The following USF3 variants were observed in gnomAD, a reference collection of about 807,000 sequenced individuals.
The protein encoded by USF3 is upstream transcription factor family member 3, also known as basic helix-loop-helix domain-containing protein USF3.
In USF3, 29 loss-of-function variants were observed where a neutral mutation model predicts 157.5. The ratio of observed to expected loss-of-function variants is 0.18; its 90% CI spans 0.14 to 0.25. The LOEUF (loss-of-function observed/expected upper bound fraction) is 0.25, where lower values mean the gene tolerates loss of function less well. Ranked by LOEUF, USF3 falls within the 10% of genes least tolerant of loss-of-function variation. USF3 has a pLI of 1.00. For synonymous variants in USF3, 893 were observed against 941.4 expected (o/e 0.95, Z 0.94); for missense variants, 2,381 against 2,667.6 (o/e 0.89, Z 2.37).
At chr3:113,694,684 G>A (rs1707762465) in intron 1 of USF3, among the ~76,000 whole-genome samples, 1 of 152,194 alleles carries the variant, frequency 6.6e-6, no homozygotes, top group South Asian at 2.1e-4. Context: ...ACTAACGATA[G>A]CTGATGAGCT....
In USF3 at chr3:113,658,432, C is replaced by T. The variant is rs867278379; in HGVS notation, c.3250G>A (p.Ala1084Thr). The T allele has an allele frequency of 7.4e-6, 12 of 1,613,934 alleles. No individual in the cohort carries two copies. The highest frequency in any genetic ancestry group is 1.6e-4 in the Middle Eastern group (1 of 6,084). Residue 1084 changes from alanine (A) to threonine (T), a missense_variant, in exon 7 of 7, where the codon GCC becomes ACC. Transcript: ENST00000316407. ...GAGCTGGTTGACATGGGAGAGTCGG[C>T]CTGTCTACCGTTGATCAAAGAACCA... ...INGSLINGRQ[A>T]DSPMSTSSGS...
Position 113,652,398 on chromosome 3 carries a change from T to C in USF3, c.*2546A>G, listed in dbSNP as rs950195381. 1.3e-5 allele frequency: 2 copies of C among 152,208 alleles called. No homozygotes were observed. Among genetic ancestry groups the C allele is most frequent in the East Asian group, 1.9e-4 (1 of 5,174 alleles). The allele number at this position is 152,208 out of a possible 1,614,324, so 9.4% of individuals were successfully genotyped here. On this transcript the variant is annotated 3_prime_UTR_variant, in exon 7 of 7. Coordinates refer to ENST00000316407, the MANE Select transcript of USF3 (RefSeq NM_001009899.4). ...TTTATCTGTTGTCTTGAGTAACTTA[T>C]TCATGAAGCTCTCCTATTCTTCCCC... is the stretch of plus-strand genomic sequence containing the variant.
In USF3 at chr3:113,660,577, C is replaced by T; in HGVS notation, c.1105G>A (p.Ala369Thr). 6.2e-7 allele frequency: 1 copy of T among 1,614,218 alleles called. No homozygotes were observed. The highest frequency in any genetic ancestry group is 8.5e-7 in the Non-Finnish European group (1 of 1,180,048). ...ISKSADLTSTATVVASSAPGV... is the reference protein window; with the variant it reads ...ISKSADLTSTTTVVASSAPGV... ...GGGGCAGATGATGCCACCACTGTAG[C>T]TGTACTTGTCAAGTCTGCACTCTTA... The change falls in exon 7 of 7, where the codon GCT becomes ACT. Residue 369 changes from alanine to threonine, a missense_variant. By Grantham distance (58) the Ala-to-Thr change is moderately conservative. Around this residue, in one of 6 missense-constraint regions of USF3, gnomAD observed 1,435 missense variants for 1,550.9 expected, o/e 0.93. Transcript: ENST00000316407.
chr3:113,654,281 T>G lies in USF3; in HGVS notation c.*663A>C, dbSNP rs1053763217. On this transcript the variant is annotated 3_prime_UTR_variant, in exon 7 of 7. Transcript: ENST00000316407. ...AGGAAGACCTTTGCTTTAAATAATC[T>G]TGGCACATTAAAGGGTAACACAGCT... is the stretch of plus-strand genomic sequence containing the variant. 3 of 152,672 alleles carry G rather than the reference T, an allele frequency of 2.0e-5. No homozygotes were observed. Among genetic ancestry groups the G allele is most frequent in the African/African-American group, 7.2e-5 (3 of 41,452 alleles). 9.5% of individuals were successfully genotyped at this position (152,672 alleles called of 1,614,324 possible). A position where few individuals can be genotyped will look rare whatever the true frequency, so the allele number is the denominator to read the frequency against.
chr3:113,680,179 G>T (rs1707380097), intron 1 of USF3, among the ~76,000 whole-genome samples: 3 of 148,086 alleles, frequency 2.0e-5, no homozygotes, highest in Non-Finnish European at 3.0e-5. Context: ...ACTGGTATTA[G>T]TTCTTCTTTA....
chr3:113,695,030 G>C (rs900922377), intron 1 of USF3, among the ~76,000 whole-genome samples: 1 of 152,220 alleles, frequency 6.6e-6, no homozygotes, highest in African/African-American at 2.4e-5. Context: ...GGGCGACAGA[G>C]TGAGACTCTG....
At chr3:113,664,159 T>C (rs1288276612) in intron 6 of USF3, among the ~76,000 whole-genome samples, 154 bp downstream of exon 6, 1 of 152,222 alleles carries the variant, frequency 6.6e-6, no homozygotes, top group East Asian at 1.9e-4. Context: ...AATGAATTTA[T>C]TGGTAACATT....
At chr3:113,670,248 C>A (rs919988244) in intron 4 of USF3, 45 bp from the exon 5 acceptor site, 3 of 1,105,374 alleles carry the variant, frequency 2.7e-6, no homozygotes, top group Non-Finnish European at 4.2e-6. Context: ...ACTACTTAGT[C>A]AAAGTGCCCT....
In USF3 at chr3:113,651,028, A is replaced by G. The variant is rs1166928822; in HGVS notation, c.*3916T>C. The G allele has an allele frequency of 2.0e-5, 3 of 152,258 alleles. No homozygotes were observed. Among genetic ancestry groups the G allele is most frequent in the African/African-American group, 7.2e-5 (3 of 41,472 alleles). 9.4% of individuals were successfully genotyped at this position (152,258 alleles called of 1,614,324 possible). ...TGTGTTTTCCAAAAAAAAGAAAGAAAGAAACAACATCAAACTAGATTCCTT... is the reference window on the plus strand; with the variant it reads ...TGTGTTTTCCAAAAAAAAGAAAGAAGGAAACAACATCAAACTAGATTCCTT... On this transcript the variant is annotated 3_prime_UTR_variant, in exon 7 of 7. Coordinates refer to ENST00000316407, the MANE Select transcript of USF3 (RefSeq NM_001009899.4).
intron 1 of USF3, among the ~76,000 whole-genome samples, chr3:113,687,992 G>A (rs76586771): frequency 0.015 from 2,350 of 152,212 alleles, 50 homozygotes; most frequent in African/African-American, 0.052. Context: ...CTGATTCCAG[G>A]GTCAGCTAAT....
At position 113,659,737 on chromosome 3, in the gene USF3, T is replaced by C. The variant is rs1424335581; in HGVS notation, c.1945A>G (p.Thr649Ala). Reference protein sequence around the residue: ...RPSSLSASNSTQTFSVTMSNQ... With the variant: ...RPSSLSASNSAQTFSVTMSNQ... Reference sequence around the variant, plus strand: ...GACATGGTAACAGAAAAAGTTTGTGTTGAGTTAGACGCTGATAAAGATGAA... The same window carrying C: ...GACATGGTAACAGAAAAAGTTTGTGCTGAGTTAGACGCTGATAAAGATGAA... Residue 649 changes from threonine (T) to alanine (A), a missense_variant, in exon 7 of 7, where the codon ACA becomes GCA. Thr to Ala is a moderately conservative substitution (Grantham distance 58). Coordinates refer to ENST00000316407, the MANE Select transcript of USF3 (RefSeq NM_001009899.4). The C allele has an allele frequency of 1.2e-6, 2 of 1,614,240 alleles. No individual in the cohort carries two copies. The highest frequency in any genetic ancestry group is 2.2e-5 in the East Asian group (1 of 44,888).
Position 113,657,592 on chromosome 3 carries a change from G to C in USF3, c.4090C>G (p.Pro1364Ala), listed in dbSNP as rs1284801994. 6.2e-7 allele frequency: 1 copy of C among 1,614,182 alleles called. No individual in the cohort carries two copies. Among genetic ancestry groups the C allele is most frequent in the Non-Finnish European group, 8.5e-7 (1 of 1,180,042 alleles). Residue 1364 changes from proline (P) to alanine (A), a missense_variant, in exon 7 of 7, where the codon CCA (proline) becomes GCA (alanine). Transcript: ENST00000316407. ...TGAGTTTGGTCAGAAATGGTGTCTG[G>C]AGTTCTGCTCATCAGGGACATACTT... The part of the protein sequence containing the change: ...LESMSLMSRT[P>A]DTISDQTQMM...
chr3:113,694,084 T>C (rs1055142345), intron 1 of USF3, among the ~76,000 whole-genome samples: 1 of 152,210 alleles, frequency 6.6e-6, no homozygotes, highest in Non-Finnish European at 1.5e-5. Context: ...CTGAGGGAAG[T>C]GGCCTGGGCA....
At chr3:113,687,293 T>G (rs1577053508) in intron 1 of USF3, among the ~76,000 whole-genome samples, 1 of 151,866 alleles carries the variant, frequency 6.6e-6, no homozygotes, top group South Asian at 2.1e-4. Flanking sequence ...CCTTACTTTT[T>G]GGTACTACAA....
At chr3:113,662,841 T>C (rs1470644856) in intron 6 of USF3, among the ~76,000 whole-genome samples, 1 of 152,080 alleles carries the variant, frequency 6.6e-6, no homozygotes, top group Non-Finnish European at 1.5e-5. Context: ...TATATTTTAT[T>C]ATCACCACTT....
chr3:113,664,706 A>T (rs960616396), intron 5 of USF3, among the ~76,000 whole-genome samples: 6 of 152,218 alleles, frequency 3.9e-5, no homozygotes, highest in Non-Finnish European at 7.3e-5. Context: ...AGAAATATAA[A>T]GCAGGGTAAA....
chr3:113,673,837 G>A (rs1376918991), intron 3 of USF3, among the ~76,000 whole-genome samples: 2 of 152,202 alleles, frequency 1.3e-5, no homozygotes, highest in Non-Finnish European at 2.9e-5. Context: ...AGATGTGGCA[G>A]CCAACAGCAC....
At chr3:113,690,846 A>G (rs1043033874) in intron 1 of USF3, among the ~76,000 whole-genome samples, 5 of 152,084 alleles carry the variant, frequency 3.3e-5, no homozygotes, top group Admixed American at 2.0e-4. Context: ...CTTTTCTCTC[A>G]TATATTATTA....
At chr3:113,679,879 G>A (rs1707369697) in intron 1 of USF3, among the ~76,000 whole-genome samples, 1 of 151,416 alleles carries the variant, frequency 6.6e-6, no homozygotes, top group Non-Finnish European at 1.5e-5. Context: ...TCATCTAGTA[G>A]TTTGTTCATT....
Sources: gnomAD v4.1 joint callset for allele counts (sites outside exome capture counted in the v4.1 genomes callset) on GRCh38, gnomAD v4.1.1 for gene constraint, gnomAD v4.1.1 regional missense constraint, MANE v1.5 for transcripts, NCBI Gene and HGNC (gene_info 2026-07-23, HGNC 2026-07-21) for gene names.